Variants in ATP2A3 observed in about 807,000 individuals in gnomAD.
The protein encoded by ATP2A3 is sarcoplasmic/endoplasmic reticulum calcium ATPase 3.
In ATP2A3, 61 loss-of-function variants were observed where a neutral mutation model predicts 106.8. The observed-to-expected ratio is 0.57, with a 90% CI of 0.46 to 0.71. The LOEUF (loss-of-function observed/expected upper bound fraction) is 0.71, where lower values mean the gene tolerates loss of function less well. Ranked by LOEUF, ATP2A3 falls within the 30% of genes least tolerant of loss-of-function variation. The probability of loss-of-function intolerance (pLI) is 0.00; values close to 1 mark genes in which losing one functional copy is unlikely to be tolerated. For missense variants in ATP2A3, 1,201 were observed against 1,423.5 expected, an observed-to-expected ratio of 0.84 and a Z score of 2.52; for synonymous variants, 611 against 609.3, an observed-to-expected ratio of 1.00 and a Z score of -0.04.
At chr17:3,940,889 G>A (rs1716120969) in intron 14 of ATP2A3, 82 bp downstream of exon 14, 2 of 1,452,240 alleles carry the variant, frequency 1.4e-6, no homozygotes, top group Non-Finnish European at 1.9e-6. Context: ...TGAGGCAGAG[G>A]GGAGAGTTGC....
Position 3,945,000 on chromosome 17 carries a change from C to A in ATP2A3, c.1184+60G>T, listed in dbSNP as rs946360125. The A allele has an allele frequency of 5.8e-6, 8 of 1,370,238 alleles. No individual in the cohort carries two copies. The African/African-American group carries it at 9.4e-5, about 16-fold the overall frequency. 84.9% of individuals were successfully genotyped at this position (1,370,238 alleles called of 1,614,324 possible). ...GGGCCTCCCACGGCCACCTCGGCGCCGCCACGCGTGGCCCCGCCCCCAGGC... is the reference window on the plus strand; with the variant it reads ...GGGCCTCCCACGGCCACCTCGGCGCAGCCACGCGTGGCCCCGCCCCCAGGC... On this transcript the variant is annotated intron_variant, in intron 9 of 20. Transcript: ENST00000397041.
At position 3,947,830 on chromosome 17, in the gene ATP2A3, G is replaced by A. The variant is rs777066058; in HGVS notation, c.656C>T (p.Ala219Val). ...FSGTNITSGK[A>V]VGVAVATGLH... ...GCCGGTGGCCACGGCCACACCCACC[G>A]CTTTGCCCGATGTGATATTGGTGCC... is the stretch of plus-strand genomic sequence containing the variant. Residue 219 changes from alanine (A) to valine (V), a missense_variant, in exon 8 of 21, where the codon GCG becomes GTG. By Grantham distance (64) the Ala-to-Val change is moderately conservative. This residue lies in a region of ATP2A3 where 935 missense variants were observed against 1,176.7 expected (regional missense o/e 0.79). Coordinates refer to ENST00000397041, the MANE Select transcript of ATP2A3 (RefSeq NM_005173.4). This position sits in a 1 kb window ranked among gnomAD's most constrained non-coding sequence, Gnocchi z 7.7. 2.7e-5 allele frequency: 43 copies of A among 1,598,820 alleles called. No individual in the cohort carries two copies. The highest frequency in any genetic ancestry group is 3.3e-5 in the Admixed American group (2 of 59,996).
chr17:3,943,493 C>T lies in ATP2A3; in HGVS notation c.1317G>A (p.Glu439=), dbSNP rs143762354. The change falls in exon 11 of 21, where the codon GAG becomes GAA. Residue 439 remains glutamate (E), a synonymous_variant. Transcript: ENST00000397041. ...EAKGVYEKVG[E]ATETALTCLV... ...GGCAAGTCAGAGCTGTCTCCGTGGCCTCTCCCACCTTCTCATACACACCCT... is the reference window on the plus strand; with the variant it reads ...GGCAAGTCAGAGCTGTCTCCGTGGCTTCTCCCACCTTCTCATACACACCCT... 40 of 1,613,964 alleles carry T rather than the reference C, an allele frequency of 2.5e-5. No individual in the cohort carries two copies. The African/African-American group carries it at 4.8e-4, about 19-fold the overall frequency.
intron 14 of ATP2A3, among the ~76,000 whole-genome samples, chr17:3,940,699 G>A (rs1165838367): frequency 1.3e-5 from 2 of 152,014 alleles, no homozygotes; most frequent in Non-Finnish European, 2.9e-5. Context: ...GTAGAGACGG[G>A]GTTTCCTCAT....
rs1167476127 is a variant in ATP2A3, at chr17:3,947,039, C to T, written c.1095+352G>A. Reference sequence around the variant, plus strand: ...GCAGGATGGAACCCGGATCCAGGCCCAGCTTGGCCCCTATGCCAAGGCTGA... The same window carrying T: ...GCAGGATGGAACCCGGATCCAGGCCTAGCTTGGCCCCTATGCCAAGGCTGA... On this transcript the variant is annotated intron_variant, in intron 8 of 20. Coordinates refer to ENST00000397041, the MANE Select transcript of ATP2A3 (RefSeq NM_005173.4). This position sits in a 1 kb window ranked among gnomAD's most constrained non-coding sequence, Gnocchi z 7.7. 6.6e-6 allele frequency among the ~76,000 whole-genome samples: 1 copy of T among 152,226 alleles called. No homozygotes were observed. The highest frequency in any genetic ancestry group is 1.5e-5 in the Non-Finnish European group (1 of 68,040).
chr17:3,946,367 C>G (rs1242728690), intron 8 of ATP2A3, among the ~76,000 whole-genome samples: 1 of 151,986 alleles, frequency 6.6e-6, no homozygotes, highest in Non-Finnish European at 1.5e-5. Flanking sequence ...GCCTGGCCAA[C>G]ATGGTGAAAC....
At chr17:3,958,594 C>T (rs1024477604) in intron 1 of ATP2A3, among the ~76,000 whole-genome samples, 2 of 151,608 alleles carry the variant, frequency 1.3e-5, no homozygotes, top group Non-Finnish European at 2.9e-5. Context: ...GATTGCCACC[C>T]CTGCTTTTTA....
Position 3,930,589 on chromosome 17 carries a change from GC to G in ATP2A3, c.2611-156del. Reference sequence around the variant, plus strand: ...GTGGGCTGGGGATCCCGGGAGGGGTGCGGGGTCGGGGCGGCGGTGGGGAGAG... The same window carrying G: ...GTGGGCTGGGGATCCCGGGAGGGGTGGGGGTCGGGGCGGCGGTGGGGAGAG... On this transcript the variant is annotated intron_variant, in intron 17 of 20. Coordinates refer to ENST00000397041, the MANE Select transcript of ATP2A3 (RefSeq NM_005173.4). This position sits in a 1 kb window ranked among gnomAD's most constrained non-coding sequence, Gnocchi z 5.4. The G allele has an allele frequency of 8.9e-7, 1 of 1,120,178 alleles. No individual in the cohort carries two copies. The highest frequency in any genetic ancestry group is 1.3e-6 in the Non-Finnish European group (1 of 778,310). The allele number at this position is 1,120,178 out of a possible 1,614,324, so 69.4% of individuals were successfully genotyped here.
rs374560091 is a variant in ATP2A3 at position 3,936,244 on chromosome 17, C to T, written c.2524+23G>A. The T allele has an allele frequency of 2.7e-5, 44 of 1,613,260 alleles. No homozygotes were observed. Among genetic ancestry groups the T allele is most frequent in the African/African-American group, 2.1e-4 (16 of 74,976 alleles). ...GCTCTTAGGAAGCTTAGGAATTCCA[C>T]GGAGGGCTCAGGCCCCACTCACCTC... On this transcript the variant is annotated intron_variant, in intron 16 of 20. Coordinates refer to ENST00000397041, the MANE Select transcript of ATP2A3 (RefSeq NM_005173.4). This position sits in a 1 kb window ranked among gnomAD's most constrained non-coding sequence, Gnocchi z 5.4.
chr17:3,958,751 TATATATAC>T, intron 1 of ATP2A3, among the ~76,000 whole-genome samples: 3 of 145,312 alleles, frequency 2.1e-5, no homozygotes, highest in Non-Finnish European at 3.0e-5. Context: ...TAGACACACA[TATATATAC>T]ACACACATAT....
intron 20 of ATP2A3, chr17:3,927,971 C>T (rs550002744): frequency 2.0e-5 from 32 of 1,613,832 alleles, no homozygotes; most frequent in Admixed American, 1.8e-4. Flanking sequence ...TCCCAGGAAC[C>T]GGAGCTCACC....
At position 3,924,970 on chromosome 17, in the gene ATP2A3, G is replaced by A. The variant is rs1242902118; in HGVS notation, c.*452C>T. On this transcript the variant is annotated 3_prime_UTR_variant, in exon 21 of 21. Coordinates refer to ENST00000397041, the MANE Select transcript of ATP2A3 (RefSeq NM_005173.4). This position sits in a 1 kb window ranked among gnomAD's most constrained non-coding sequence, Gnocchi z 6.4. ...AGACCAGGCACGAAGAGAGAGGTCA[G>A]AGCCGGTAAGAAGGACCCCCAGAGT... The A allele has an allele frequency of 5.1e-6, 2 of 390,728 alleles. No homozygotes were observed. Among genetic ancestry groups the A allele is most frequent in the South Asian group, 3.9e-5 (2 of 51,914 alleles). 24.2% of individuals were successfully genotyped at this position (390,728 alleles called of 1,614,324 possible). A position where few individuals can be genotyped will look rare whatever the true frequency, so the allele number is the denominator to read the frequency against.
intron 1 of ATP2A3, among the ~76,000 whole-genome samples, chr17:3,958,853 T>C (rs1267540131): frequency 6.1e-4 from 50 of 81,686 alleles, no homozygotes; most frequent in South Asian, 1.5e-3. Context: ...TATATAAATA[T>C]ATATATATAT....
rs1272282150 is a variant in ATP2A3, at chr17:3,928,072, C to T, written c.2980+591G>A. ...TTCAGAATCACCCACTCTCAGAGCC[C>T]ACCTGGCAGAGGCAGGTGGATGGAC... On this transcript the variant is annotated intron_variant, in intron 20 of 20. Coordinates refer to ENST00000397041, the MANE Select transcript of ATP2A3 (RefSeq NM_005173.4). This position sits in a 1 kb window ranked among gnomAD's most constrained non-coding sequence, Gnocchi z 6.1. 1.2e-6 allele frequency: 2 copies of T among 1,613,560 alleles called. No homozygotes were observed. Among genetic ancestry groups the T allele is most frequent in the Non-Finnish European group, 1.7e-6 (2 of 1,179,680 alleles).
intron 7 of ATP2A3, among the ~76,000 whole-genome samples, chr17:3,949,128 A>G (rs2054277277): frequency 1.3e-5 from 1 of 78,724 alleles, no homozygotes; most frequent in East Asian, 2.2e-4. Context: ...ACTCTGTCTC[A>G]AAAAAAAAAA....
At position 3,951,515 on chromosome 17, in the gene ATP2A3, G is replaced by A. The variant is rs1597654044; in HGVS notation, c.324+66C>T. On this transcript the variant is annotated intron_variant, in intron 4 of 20. Transcript: ENST00000397041. ...GAGAGTCTGCAGGACGCCAGCACCAGGTGGAGGGCACTCCTAGTGGCTGGG... is the reference window on the plus strand; with the variant it reads ...GAGAGTCTGCAGGACGCCAGCACCAAGTGGAGGGCACTCCTAGTGGCTGGG... 1.9e-6 allele frequency: 3 copies of A among 1,562,160 alleles called. No individual in the cohort carries two copies. In the East Asian group the frequency reaches 7.1e-5, roughly 37 times the overall value.
chr17:3,951,149 G>A lies in ATP2A3; in HGVS notation c.463+102C>T, dbSNP rs1207529170. 3.6e-6 allele frequency: 4 copies of A among 1,101,388 alleles called. No individual in the cohort carries two copies. The African/African-American group carries it at 6.5e-5, about 18-fold the overall frequency. 68.2% of individuals were successfully genotyped at this position (1,101,388 alleles called of 1,614,324 possible). ...GATTGCGCCACTGCACTCCAGTCTG[G>A]GCAACAGAGCACGACTCCATCTCAA... On this transcript the variant is annotated intron_variant, in intron 5 of 20. Coordinates refer to ENST00000397041, the MANE Select transcript of ATP2A3 (RefSeq NM_005173.4).
rs10668980 is a variant in ATP2A3, at chr17:3,935,535, C to CTTTTTTTTTT, written c.2525-268_2525-259dup. Among the ~76,000 whole-genome samples, 2 of 114,038 alleles carry CTTTTTTTTTT rather than the reference C, an allele frequency of 1.8e-5. 1 individual carries two copies. 74.8% of individuals were successfully genotyped at this position (114,038 alleles called of 152,430 possible). On this transcript the variant is annotated intron_variant, in intron 16 of 20. Coordinates refer to ENST00000397041, the MANE Select transcript of ATP2A3 (RefSeq NM_005173.4). ...GCCAATGAGAACAGGCCTGTTGAGA[C>CTTTTTTTTTT]TTTTTTTTTTTTTTTTTTTTGAGAC...
At chr17:3,951,011 C>T (rs1169610580) in intron 5 of ATP2A3, among the ~76,000 whole-genome samples, 1 of 151,830 alleles carries the variant, frequency 6.6e-6, no homozygotes, top group African/African-American at 2.4e-5. Flanking sequence ...ATGACGGAGG[C>T]ACAGAGAGGG....
Sources: gnomAD v4.1 joint callset for allele counts (sites outside exome capture counted in the v4.1 genomes callset) on GRCh38, gnomAD v4.1.1 for gene constraint, gnomAD v4.1.1 regional missense constraint, Gnocchi (gnomAD v3.1) non-coding constraint, MANE v1.5 for transcripts, NCBI Gene and HGNC (gene_info 2026-07-23, HGNC 2026-07-21) for gene names.